CTNNA2: variants seen among roughly 807,000 people sequenced by gnomAD.
CTNNA2 encodes the protein catenin alpha 2, also known as catenin alpha-2.
A neutral mutation model predicts 101.0 loss-of-function variants in CTNNA2; 42 were observed. The observed-to-expected ratio is 0.42, with a 90% CI of 0.32 to 0.54. The LOEUF (loss-of-function observed/expected upper bound fraction) is 0.54, where lower values mean the gene tolerates loss of function less well. Among genes scored for constraint, CTNNA2 ranks in the 20% least tolerant of loss-of-function variants. The pLI, the probability that CTNNA2 is intolerant of heterozygous loss-of-function variation, is 0.14. For missense variants in CTNNA2, 871 were observed against 1,223.1 expected (o/e 0.71, Z 4.29); for synonymous variants, 450 against 456.4 (o/e 0.99, Z 0.18).
At chr2:79,711,572 C>A (rs1274798882) in intron 2 of CTNNA2, among the ~76,000 whole-genome samples, 1 of 151,988 alleles carries the variant, frequency 6.6e-6, no homozygotes, top group East Asian at 1.9e-4. Flanking sequence ...ATATTTTTTT[C>A]TCATTTTGTT....
intron 3 of CTNNA2, among the ~76,000 whole-genome samples, chr2:79,799,401 C>G (rs1249086107): frequency 6.6e-6 from 1 of 151,964 alleles, no homozygotes; most frequent in Non-Finnish European, 1.5e-5. Flanking sequence ...GAAGAGGAAC[C>G]TTTTTCATAT....
chr2:79,361,959 A>C (rs1469492002), intron 3 of CTNNA2, among the ~76,000 whole-genome samples: 2 of 152,144 alleles, frequency 1.3e-5, no homozygotes, highest in Non-Finnish European at 2.9e-5. Context: ...CTTTGGCAAC[A>C]CCCTCACAGA....
chr2:79,447,059 C>G (rs1185424377), intron 4 of CTNNA2, among the ~76,000 whole-genome samples: 1 of 151,974 alleles, frequency 6.6e-6, no homozygotes, highest in East Asian at 1.9e-4. Context: ...TTATAGGATC[C>G]ACTTATAGAA....
At chr2:80,623,592 T>A (rs1444478497) in intron 18 of CTNNA2, among the ~76,000 whole-genome samples, 1 of 151,818 alleles carries the variant, frequency 6.6e-6, no homozygotes, top group Non-Finnish European at 1.5e-5. Flanking sequence ...GTTTAATGAG[T>A]AGCATTGAAA....
chr2:80,589,677 G>GGAGAATA (rs1696266872), intron 15 of CTNNA2, among the ~76,000 whole-genome samples, 192 bp downstream of exon 15: 1 of 152,146 alleles, frequency 6.6e-6, no homozygotes, highest in African/African-American at 2.4e-5. Context: ...TTTTGGTCAA[G>GGAGAATA]GAGAATAGAT....
intron 4 of CTNNA2, among the ~76,000 whole-genome samples, chr2:79,412,171 G>A (rs975224519): frequency 2.9e-4 from 44 of 152,078 alleles, no homozygotes; most frequent in Non-Finnish European, 5.4e-4. Context: ...ATGGTAAAGG[G>A]ATGAATTCAA....
chr2:80,023,540 G>A (rs183114863), intron 7 of CTNNA2, among the ~76,000 whole-genome samples: 1 of 152,272 alleles, frequency 6.6e-6, no homozygotes, highest in Admixed American at 6.5e-5. Context: ...AATGATTAAA[G>A]TGGTTCTATT....
At chr2:80,266,616 T>C (rs1673021211) in intron 7 of CTNNA2, among the ~76,000 whole-genome samples, 1 of 152,228 alleles carries the variant, frequency 6.6e-6, no homozygotes, top group Non-Finnish European at 1.5e-5. Flanking sequence ...AGCTCCTCCT[T>C]GTTTAACCGG....
chr2:80,606,042 A>T (rs1278474099), intron 16 of CTNNA2, among the ~76,000 whole-genome samples: 1 of 151,822 alleles, frequency 6.6e-6, no homozygotes, highest in Non-Finnish European at 1.5e-5. Flanking sequence ...AAGTATGCAT[A>T]CAAAAAAATT....
At chr2:80,427,649 A>G (rs986967541) in intron 9 of CTNNA2, among the ~76,000 whole-genome samples, 2 of 152,222 alleles carry the variant, frequency 1.3e-5, no homozygotes, top group Non-Finnish European at 2.9e-5. Flanking sequence ...GAGAAGCTGT[A>G]TCTACTGGAA....
At chr2:80,560,000 T>G (rs528506737) in intron 12 of CTNNA2, among the ~76,000 whole-genome samples, 1 of 142,084 alleles carries the variant, frequency 7.0e-6, no homozygotes, top group African/African-American at 2.6e-5. Context: ...GTGACTAGGT[T>G]AAAAGATCTG....
intron 1 of CTNNA2, among the ~76,000 whole-genome samples, chr2:79,572,858 T>C (rs533951556): frequency 2.8e-4 from 43 of 152,354 alleles, no homozygotes; most frequent in Non-Finnish European, 5.4e-4. Context: ...GTGACATTTA[T>C]TCTTAATTTT....
intron 18 of CTNNA2, among the ~76,000 whole-genome samples, chr2:80,623,441 C>T (rs1381903402): frequency 6.6e-6 from 1 of 151,540 alleles, no homozygotes; most frequent in Admixed American, 6.6e-5. Flanking sequence ...AGAAAAGAAA[C>T]GAAACATCCA....
At chr2:80,143,295 T>A (rs192339561) in intron 7 of CTNNA2, among the ~76,000 whole-genome samples, 4 of 152,306 alleles carry the variant, frequency 2.6e-5, no homozygotes. Context: ...TTTTGTGTTA[T>A]ATTATTTGGG....
At chr2:79,497,744 C>T (rs1484857492) in intron 4 of CTNNA2, among the ~76,000 whole-genome samples, 3 of 152,214 alleles carry the variant, frequency 2.0e-5, no homozygotes, top group Non-Finnish European at 4.4e-5. Context: ...TAGAAAATTA[C>T]TACTCTCCTT....
chr2:80,282,515 C>T (rs1674460060), intron 7 of CTNNA2, among the ~76,000 whole-genome samples: 1 of 152,026 alleles, frequency 6.6e-6, no homozygotes, highest in Non-Finnish European at 1.5e-5. Flanking sequence ...ATACAATCAG[C>T]TCTCCTATAG....
intron 9 of CTNNA2, among the ~76,000 whole-genome samples, chr2:80,503,428 A>C (rs1191157912): frequency 1.2e-4 from 19 of 152,146 alleles, no homozygotes; most frequent in Admixed American, 1.2e-3. Flanking sequence ...TTCATTTATT[A>C]GCATTATAGC....
At chr2:79,685,651 T>A (rs1683882089) in intron 2 of CTNNA2, among the ~76,000 whole-genome samples, 1 of 152,120 alleles carries the variant, frequency 6.6e-6, no homozygotes, top group African/African-American at 2.4e-5. Flanking sequence ...ATATCCACAC[T>A]TAGTTGCAAG....
chr2:80,569,647 T>TTTTTTTTTTTTTG, intron 12 of CTNNA2, among the ~76,000 whole-genome samples: 2 of 106,622 alleles, frequency 1.9e-5, no homozygotes. Context: ...TTTTTTTTTT[T>TTTTTTTTTTTTTG]TTTTTTTTTT....
Sources: gnomAD v4.1 joint callset for allele counts (sites outside exome capture counted in the v4.1 genomes callset) on GRCh38, gnomAD v4.1.1 for gene constraint, MANE v1.5 for transcripts, NCBI Gene and HGNC (gene_info 2026-07-23, HGNC 2026-07-21) for gene names.